The following LYZL2 variants were observed in gnomAD, a reference collection of about 807,000 sequenced individuals.
The protein encoded by LYZL2 is lysozyme like 2, also known as lysozyme-like protein 2.
LYZL2 carries 13 observed loss-of-function variants against 17.1 expected under a neutral mutation model. The ratio of observed to expected loss-of-function variants is 0.76; its 90% CI spans 0.49 to 1.21. LYZL2 has a LOEUF of 1.21. Among genes scored for constraint, LYZL2 ranks in the 50% most tolerant of loss-of-function variants. The pLI, the probability that LYZL2 is intolerant of heterozygous loss-of-function variation, is 0.00. For synonymous variants in LYZL2, 63 were observed against 74.4 expected, an observed-to-expected ratio of 0.85 and a Z score of 0.79; for missense variants, 166 against 189.2, an observed-to-expected ratio of 0.88 and a Z score of 0.72.
intron 3 of LYZL2, among the ~76,000 whole-genome samples, chr10:30,620,037 A>G (rs1192229980): frequency 2.0e-5 from 3 of 152,306 alleles, no homozygotes; most frequent in East Asian, 3.9e-4. Context: ...TTGCTTCTTC[A>G]TATGCCAAAA....
chr10:30,627,040 A>G, intron 1 of LYZL2, 100 bp from the exon 2 acceptor site: 1 of 1,530,880 alleles, frequency 6.5e-7, no homozygotes, highest in Non-Finnish European at 8.8e-7. Flanking sequence ...GCTGCCTGTC[A>G]CTTTGGTCAT....
chr10:30,611,570 G>GAAAGAAAGAAAGAAA (rs1554784962), downstream of LYZL2, among the ~76,000 whole-genome samples: 28 of 54,116 alleles, frequency 5.2e-4, no homozygotes, highest in South Asian at 4.2e-3. Context: ...AAGGAAGGAA[G>GAAAGAAAGAAAGAAA]GAAAGAAAGA....
intron 3 of LYZL2, among the ~76,000 whole-genome samples, chr10:30,622,202 C>A (rs1047580873): frequency 6.6e-6 from 1 of 151,996 alleles, no homozygotes; most frequent in Admixed American, 6.6e-5. Flanking sequence ...AAAAATGGAA[C>A]CAAGAATAGA....
rs1838691693 is a variant in LYZL2, at chr10:30,625,781, C to A, written c.298+324G>T. Among the ~76,000 whole-genome samples, 7 of 152,226 alleles carry A rather than the reference C, an allele frequency of 4.6e-5. No homozygotes were observed. The South Asian group carries it at 1.4e-3, about 31-fold the overall frequency. ...CTTTGAGTGAATTGCTTATGGAAAGCAGCTGGCAGGCAGCTTCCTTTTTCT... is the reference window on the plus strand; with the variant it reads ...CTTTGAGTGAATTGCTTATGGAAAGAAGCTGGCAGGCAGCTTCCTTTTTCT... On this transcript the variant is annotated intron_variant, in intron 3 of 4. Coordinates refer to ENST00000647634, the MANE Select transcript of LYZL2 (RefSeq NM_183058.3).
rs746227432 is a variant in LYZL2 at position 30,612,067 on chromosome 10, C to G, written c.378-43G>C. On this transcript the variant is annotated intron_variant, in intron 4 of 4. Coordinates refer to ENST00000647634, the MANE Select transcript of LYZL2 (RefSeq NM_183058.3). ...GCAAGAGCAGCAGAAAGAAGCGTGA[C>G]AATCCAAACCGTCTCAGTTTCAAAG... 1.4e-5 allele frequency: 23 copies of G among 1,602,640 alleles called. No individual in the cohort carries two copies. The Admixed American group carries it at 3.6e-4, about 25-fold the overall frequency.
rs370355955 is a variant in LYZL2 at position 30,620,684 on chromosome 10, A to G, written c.298+5421T>C. On this transcript the variant is annotated intron_variant, in intron 3 of 4. Coordinates refer to ENST00000647634, the MANE Select transcript of LYZL2 (RefSeq NM_183058.3). ...CGGTCAAGGGCAAGACTCAGAAAGG[A>G]CAGTTGATTGCATTAGCTGATAAGA... Among the ~76,000 whole-genome samples, 10 of 152,348 alleles carry G rather than the reference A, an allele frequency of 6.6e-5. No homozygotes were observed. The South Asian group carries it at 1.9e-3, about 28-fold the overall frequency.
chr10:30,619,005 A>T (rs1222386865), intron 3 of LYZL2, among the ~76,000 whole-genome samples: 1 of 152,222 alleles, frequency 6.6e-6, no homozygotes, highest in African/African-American at 2.4e-5. Flanking sequence ...CCCCACCAAC[A>T]AGTGGGCAAA....
At chr10:30,629,513 T>C in intron 1 of LYZL2, 80 bp downstream of exon 1, 1 of 1,441,798 alleles carries the variant, frequency 6.9e-7, no homozygotes, top group Admixed American at 2.0e-5. Flanking sequence ...ACCCCAAGCA[T>C]CATGTTCTAC....
At chr10:30,606,687 G>A in the LYZL2 span, among the ~76,000 whole-genome samples, 1 of 152,118 alleles carries the variant, frequency 6.6e-6, no homozygotes, top group African/African-American at 2.4e-5. Flanking sequence ...AGTCTCAGAG[G>A]AGGTGGGCTT....
At chr10:30,612,057 A>G (rs1160709881) in intron 4 of LYZL2, 33 bp from the exon 5 acceptor site, 5 of 1,609,976 alleles carry the variant, frequency 3.1e-6, no homozygotes, top group Non-Finnish European at 4.2e-6. Context: ...AGCAGCAGAA[A>G]GAAGCGTGAC....
At chr10:30,628,987 A>G (rs1316264714) in intron 1 of LYZL2, among the ~76,000 whole-genome samples, 1 of 152,218 alleles carries the variant, frequency 6.6e-6, no homozygotes, top group Non-Finnish European at 1.5e-5. Flanking sequence ...TAGAGGCTGT[A>G]TAGACCACAA....
Position 30,611,848 on chromosome 10 carries a change from T to C in LYZL2, c.*107A>G. On this transcript the variant is annotated 3_prime_UTR_variant, in exon 5 of 5. Coordinates refer to ENST00000647634, the MANE Select transcript of LYZL2 (RefSeq NM_183058.3). ...TATAGCTTAATTTTCCCTCTCCAAGTTTGAGAAGGAATATTGGGAGGAAAC... is the reference window on the plus strand; with the variant it reads ...TATAGCTTAATTTTCCCTCTCCAAGCTTGAGAAGGAATATTGGGAGGAAAC... The C allele has an allele frequency of 6.3e-7, 1 of 1,578,094 alleles. No homozygotes were observed.
chr10:30,613,182 G>A (rs1259880557), intron 3 of LYZL2, among the ~76,000 whole-genome samples: 1 of 152,216 alleles, frequency 6.6e-6, no homozygotes, highest in Non-Finnish European at 1.5e-5. Context: ...GACGCTATGT[G>A]AAAATGTTCC....
intron 3 of LYZL2, among the ~76,000 whole-genome samples, chr10:30,623,567 T>C (rs1463297195): frequency 6.6e-6 from 1 of 152,154 alleles, no homozygotes; most frequent in Non-Finnish European, 1.5e-5. Flanking sequence ...TAGATTCTTA[T>C]ATAGGTGTGA....
At chr10:30,625,984 A>G in intron 3 of LYZL2, 121 bp downstream of exon 3, 1 of 1,447,704 alleles carries the variant, frequency 6.9e-7, no homozygotes, top group Non-Finnish European at 9.3e-7. Context: ...CCAATCTTGA[A>G]CAGACCTATT....
At chr10:30,611,665 AAG>A (rs761054915), downstream of LYZL2, 73 of 343,966 alleles carry the variant, frequency 2.1e-4, 1 homozygote, top group East Asian at 3.4e-3. Flanking sequence ...AAGGAAGAGA[AAG>A]AGAGAAAGAA....
rs111760642 is a variant in LYZL2, at chr10:30,629,566, G to T, written c.-26+27C>A. 4.1e-3 allele frequency: 6,680 copies of T among 1,609,872 alleles called. 54 individuals are homozygous for T. The African/African-American group carries it at 0.062, about 15-fold the overall frequency. Reference sequence around the variant, plus strand: ...CATTGCTGGTTCTCAGGGACAGGTGGCTTCATAAGAGTAATTTAGGTCTTA... The same window carrying T: ...CATTGCTGGTTCTCAGGGACAGGTGTCTTCATAAGAGTAATTTAGGTCTTA... On this transcript the variant is annotated intron_variant, in intron 1 of 4. Transcript: ENST00000647634.
downstream of LYZL2, among the ~76,000 whole-genome samples, chr10:30,609,899 G>C (rs1838413189): frequency 6.6e-6 from 1 of 152,150 alleles, no homozygotes; most frequent in African/African-American, 2.4e-5. Flanking sequence ...GGGAAGAGTA[G>C]GATTGCATGC....
intron 2 of LYZL2, 148 bp downstream of exon 2, chr10:30,626,629 G>A (rs1264604014): frequency 3.7e-6 from 4 of 1,086,272 alleles, no homozygotes; most frequent in Non-Finnish European, 4.0e-6. Flanking sequence ...GACCCAGAGA[G>A]CCACAGTTAG....
Sources: allele counts gnomAD v4.1 joint callset (sites outside exome capture counted in the v4.1 genomes callset), GRCh38; gene constraint gnomAD v4.1.1; transcripts MANE v1.5; gene names NCBI Gene and HGNC (gene_info 2026-07-23, HGNC 2026-07-21).